The following ZNF536 variants were observed in gnomAD, a reference collection of about 807,000 sequenced individuals.
ZNF536 encodes zinc finger protein 536.
Under a neutral mutation model 84.5 loss-of-function variants are expected in ZNF536, and 13 were observed. The ratio of observed to expected loss-of-function variants is 0.15; its 90% CI spans 0.10 to 0.24. The LOEUF (loss-of-function observed/expected upper bound fraction) is 0.24. ZNF536 is among the 10% of genes least tolerant of loss of function. The pLI is 1.00. For synonymous variants in ZNF536, 811 were observed against 742.5 expected (o/e 1.09, Z -1.50); for missense variants, 1,536 against 1,747.5 (o/e 0.88, Z 2.16).
intron 2 of ZNF536, among the ~76,000 whole-genome samples, chr19:30,339,618 G>A (rs1221087304): frequency 6.6e-6 from 1 of 152,198 alleles, no homozygotes; most frequent in Non-Finnish European, 1.5e-5. Context: ...GCTGGGATGG[G>A]TTTCCCAGAT....
intron 1 of ZNF536, among the ~76,000 whole-genome samples, chr19:30,423,818 G>A (rs898825660): frequency 8.6e-5 from 13 of 152,042 alleles, no homozygotes; most frequent in African/African-American, 1.7e-4. Context: ...GCCTGGGAGC[G>A]GTCGCTGCGA....
intron 1 of ZNF536, among the ~76,000 whole-genome samples, chr19:30,594,775 C>G (rs2047398086): frequency 6.6e-6 from 1 of 152,052 alleles, no homozygotes. Context: ...TGCTTGGATC[C>G]TGCATTCCAT....
intron 4 of ZNF536, among the ~76,000 whole-genome samples, chr19:30,550,388 G>A (rs2045727327): frequency 6.6e-6 from 1 of 152,164 alleles, no homozygotes; most frequent in Non-Finnish European, 1.5e-5. Flanking sequence ...CATTGTCTTG[G>A]CACCCTGATA....
chr19:30,463,497 G>A (rs1418199282), intron 2 of ZNF536, among the ~76,000 whole-genome samples: 6 of 152,206 alleles, frequency 3.9e-5, no homozygotes, highest in Non-Finnish European at 7.3e-5. Flanking sequence ...CTGGAGCTCA[G>A]CCAGCCTTGT....
intron 1 of ZNF536, among the ~76,000 whole-genome samples, chr19:30,664,659 C>T (rs989220191): frequency 2.0e-5 from 3 of 151,958 alleles, no homozygotes; most frequent in South Asian, 2.1e-4. Context: ...ACCATTTATG[C>T]GATTGTTTTT....
chr19:30,439,102 T>A (rs1408341069), intron 1 of ZNF536, among the ~76,000 whole-genome samples: 1 of 152,068 alleles, frequency 6.6e-6, no homozygotes, highest in Non-Finnish European at 1.5e-5. Flanking sequence ...TTGTATACAT[T>A]TCTAGAGGGC....
intron 2 of ZNF536, among the ~76,000 whole-genome samples, chr19:30,321,934 G>A (rs2046872731): frequency 6.6e-6 from 1 of 151,956 alleles, no homozygotes; most frequent in South Asian, 2.1e-4. Context: ...GCACCACCAT[G>A]CCCGGCTAAT....
chr19:30,336,705 T>C (rs979487414), intron 2 of ZNF536, among the ~76,000 whole-genome samples: 7 of 151,984 alleles, frequency 4.6e-5, no homozygotes, highest in South Asian at 2.1e-4. Context: ...CTGGAAAGCA[T>C]TGGAGAACAT....
rs71173915 is a variant in ZNF536, at chr19:30,664,204, T to TTCTCTCTC, written c.170-46502_170-46495dup. Among the ~76,000 whole-genome samples the TTCTCTCTC allele has an allele frequency of 4.3e-3, 387 of 90,588 alleles. 5 individuals carry two copies. Among genetic ancestry groups the TTCTCTCTC allele is most frequent in the Non-Finnish European group, 6.3e-3 (296 of 46,974 alleles). 59.4% of individuals were successfully genotyped at this position (90,588 alleles called of 152,430 possible). On this transcript the variant is annotated intron_variant, in intron 1 of 1. Coordinates refer to the ZNF536 transcript ENST00000592773. ...TATCTAGAGGAATTCTTGCTGAGTT[T>TTCTCTCTC]TCTCTCTCTCTCTCTCTCTCTCTCT...
chr19:30,508,228 G>A (rs559945572), intron 2 of ZNF536, among the ~76,000 whole-genome samples: 1 of 152,280 alleles, frequency 6.6e-6, no homozygotes, highest in South Asian at 2.1e-4. Context: ...GCTTGCAGGG[G>A]CTTATGGGAA....
chr19:30,555,781 G>C (rs1382769174), intron 4 of ZNF536: 1 of 152,248 alleles, frequency 6.6e-6, no homozygotes, highest in Non-Finnish European at 1.5e-5. Context: ...TTGTGCAAGA[G>C]TCTACAGTGT....
intron 1 of ZNF536, among the ~76,000 whole-genome samples, chr19:30,266,550 A>G (rs1281400399): frequency 1.3e-5 from 2 of 152,218 alleles, no homozygotes; most frequent in African/African-American, 4.8e-5. Flanking sequence ...TTTCCCTAAA[A>G]ATATTTATTT....
chr19:30,667,625 C>CTTTTTTTTTTTTT (rs57656065), intron 1 of ZNF536, among the ~76,000 whole-genome samples: 16 of 124,018 alleles, frequency 1.3e-4, no homozygotes, highest in Admixed American at 3.2e-4. Context: ...TTTTTTCTAG[C>CTTTTTTTTTTTTT]TTTTTTTTTT....
At position 30,557,214 on chromosome 19, in the gene ZNF536, G is replaced by A. The variant is rs2146374240; in HGVS notation, c.*50G>A. On this transcript the variant is annotated 3_prime_UTR_variant, in exon 5 of 5. Coordinates refer to ENST00000355537, the MANE Select transcript of ZNF536 (RefSeq NM_014717.3). ...CTGGACTTGCCCTTGTCTGTTCGTG[G>A]TCCTCGGTGGTTATCTGCAGCTTGT... 1.2e-6 allele frequency: 2 copies of A among 1,605,064 alleles called. No homozygotes were observed. Among genetic ancestry groups the A allele is most frequent in the Non-Finnish European group, 1.7e-6 (2 of 1,172,844 alleles).
chr19:30,684,216 C>T (rs760588825), intron 1 of ZNF536, among the ~76,000 whole-genome samples: 1 of 152,110 alleles, frequency 6.6e-6, no homozygotes, highest in Non-Finnish European at 1.5e-5. Flanking sequence ...CTTACTGCAA[C>T]CCCTGCCTCC....
At chr19:30,371,226 A>T (rs2048601526), upstream of ZNF536, among the ~76,000 whole-genome samples, 1 of 152,206 alleles carries the variant, frequency 6.6e-6, no homozygotes, top group South Asian at 2.1e-4. Context: ...TTAAATATTA[A>T]CGCTGTATTG....
intron 2 of ZNF536, among the ~76,000 whole-genome samples, chr19:30,521,547 C>T (rs918387852): frequency 6.6e-6 from 1 of 152,206 alleles, no homozygotes; most frequent in Non-Finnish European, 1.5e-5. Context: ...CTCCTGGAAG[C>T]TGCTACCCAG....
intron 1 of ZNF536, among the ~76,000 whole-genome samples, chr19:30,437,042 G>A (rs544411826): frequency 6.6e-6 from 1 of 152,162 alleles, no homozygotes; most frequent in Non-Finnish European, 1.5e-5. Context: ...AGTGCAAATG[G>A]TTATTTTGAA....
intron 2 of ZNF536, among the ~76,000 whole-genome samples, chr19:30,286,579 A>T (rs1348962014): frequency 6.7e-6 from 1 of 150,336 alleles, no homozygotes; most frequent in Non-Finnish European, 1.5e-5. Flanking sequence ...AGAAAGACAG[A>T]CAGAGAGAGA....
Sources: gnomAD v4.1 joint callset for allele counts (sites outside exome capture counted in the v4.1 genomes callset) on GRCh38, gnomAD v4.1.1 for gene constraint, MANE v1.5 for transcripts, NCBI Gene and HGNC (gene_info 2026-07-23, HGNC 2026-07-21) for gene names.